Variants in SMAD3 observed in about 807,000 individuals in gnomAD.
SMAD3 encodes the protein SMAD family member 3.
Under a neutral mutation model 51.8 loss-of-function variants are expected in SMAD3, and 12 were observed. The ratio of observed to expected loss-of-function variants is 0.23; its 90% CI spans 0.15 to 0.38. The LOEUF is 0.38. SMAD3 is among the 10% of genes least tolerant of loss of function. The probability of loss-of-function intolerance (pLI) is 1.00; values close to 1 mark genes in which losing one functional copy is unlikely to be tolerated. For synonymous variants in SMAD3, 238 were observed against 227.7 expected, an observed-to-expected ratio of 1.05 and a Z score of -0.41; for missense variants, 294 against 565.6, an observed-to-expected ratio of 0.52 and a Z score of 4.87.
At chr15:67,179,372 G>A (rs1356709537) in intron 5 of SMAD3, among the ~76,000 whole-genome samples, 5 of 152,084 alleles carry the variant, frequency 3.3e-5, no homozygotes, top group African/African-American at 4.8e-5. Flanking sequence ...AGTGGGTAGG[G>A]GCCAGGATGC....
chr15:67,101,742 A>C (rs1960762641), intron 1 of SMAD3, among the ~76,000 whole-genome samples: 1 of 152,204 alleles, frequency 6.6e-6, no homozygotes. Context: ...AGTGACCTAA[A>C]GGTTGTTCAC....
chr15:67,074,386 G>T (rs1432692003), intron 1 of SMAD3, among the ~76,000 whole-genome samples: 4 of 152,202 alleles, frequency 2.6e-5, no homozygotes, highest in Non-Finnish European at 5.9e-5. Context: ...GATACCTGTG[G>T]AAAATGTTTG....
chr15:67,112,133 C>G (rs1685066396), intron 1 of SMAD3, among the ~76,000 whole-genome samples: 1 of 112,846 alleles, frequency 8.9e-6, no homozygotes, highest in Non-Finnish European at 1.8e-5. Flanking sequence ...AATCCTTTAG[C>G]CATTTCTTTT....
chr15:67,165,147 G>A (rs2289261), intron 2 of SMAD3, 59 bp downstream of exon 2: 1 of 1,611,328 alleles, frequency 6.2e-7, no homozygotes, highest in East Asian at 2.2e-5. Flanking sequence ...ACCTCTCCCC[G>A]GCTCCCCATC....
chr15:67,085,881 CACACACACACACACACACAT>C (rs1195964676), intron 1 of SMAD3, among the ~76,000 whole-genome samples: 47 of 83,454 alleles, frequency 5.6e-4, no homozygotes, highest in Admixed American at 4.4e-3. Flanking sequence ...CACACACACA[CACACACACACACACACACAT>C]ACACAGAGAA....
At chr15:67,085,730 T>C (rs1436816913) in intron 1 of SMAD3, among the ~76,000 whole-genome samples, 2 of 152,182 alleles carry the variant, frequency 1.3e-5, no homozygotes, top group Non-Finnish European at 2.9e-5. Flanking sequence ...AATCCATGTT[T>C]TTTAACTTTC....
chr15:67,082,625 AAAC>A (rs769815715), intron 1 of SMAD3, among the ~76,000 whole-genome samples: 5 of 152,244 alleles, frequency 3.3e-5, no homozygotes, highest in Non-Finnish European at 7.3e-5. Context: ...TAGTGGTTAA[AAAC>A]AAAGTCCTGT....
chr15:67,073,163 C>T (rs1960093356), intron 1 of SMAD3, among the ~76,000 whole-genome samples: 1 of 152,156 alleles, frequency 6.6e-6, no homozygotes, highest in Non-Finnish European at 1.5e-5. Flanking sequence ...AGTTTATTGA[C>T]TTGACAAGGA....
intron 1 of SMAD3, among the ~76,000 whole-genome samples, chr15:67,113,386 G>A (rs1031280937): frequency 2.0e-5 from 3 of 151,838 alleles, no homozygotes; most frequent in Admixed American, 6.6e-5. Flanking sequence ...CACTGCGCCC[G>A]GCCTTAAAAT....
chr15:67,138,304 G>T, intron 1 of SMAD3: 1 of 531,626 alleles, frequency 1.9e-6, no homozygotes, highest in Non-Finnish European at 3.4e-6. Context: ...AGGGCCCTCT[G>T]CCTGGTTCTG....
At chr15:67,173,336 G>A (rs148908148) in intron 5 of SMAD3, among the ~76,000 whole-genome samples, 1 of 152,256 alleles carries the variant, frequency 6.6e-6, no homozygotes, top group East Asian at 1.9e-4. Flanking sequence ...GTCCAGAAGA[G>A]GGAGGAATAG....
intron 1 of SMAD3, 44 bp from the exon 2 acceptor site, chr15:67,164,851 C>A (rs1176549850): frequency 6.3e-7 from 1 of 1,596,942 alleles, no homozygotes; most frequent in Non-Finnish European, 8.6e-7. Flanking sequence ...AAAGCAAGCA[C>A]AATCCACATT....
chr15:67,084,023 G>A (rs1380671841), intron 1 of SMAD3, among the ~76,000 whole-genome samples: 1 of 149,618 alleles, frequency 6.7e-6, no homozygotes, highest in Non-Finnish European at 1.5e-5. Context: ...CTTGAAGGGA[G>A]AATCTGAAAG....
chr15:67,080,508 A>C (rs1366663320), intron 1 of SMAD3, among the ~76,000 whole-genome samples: 1 of 152,164 alleles, frequency 6.6e-6, no homozygotes. Context: ...GGGAGATGCC[A>C]CTAGGCCCAG....
chr15:67,157,460 G>C (rs1962314023), intron 1 of SMAD3, among the ~76,000 whole-genome samples: 1 of 152,186 alleles, frequency 6.6e-6, no homozygotes, highest in South Asian at 2.1e-4. Flanking sequence ...ATATGACCTT[G>C]GGCAAGCCTC....
At chr15:67,145,415 A>C (rs1047942899) in intron 1 of SMAD3, among the ~76,000 whole-genome samples, 1 of 152,224 alleles carries the variant, frequency 6.6e-6, no homozygotes, top group Non-Finnish European at 1.5e-5. Context: ...TCTGTGCTCA[A>C]GGATGCTGTG....
At chr15:67,109,725 G>T (rs955601791) in intron 1 of SMAD3, among the ~76,000 whole-genome samples, 3 of 152,248 alleles carry the variant, frequency 2.0e-5, no homozygotes, top group African/African-American at 7.2e-5. Context: ...AAACCCCAGA[G>T]CTGAACTTCA....
intron 1 of SMAD3, among the ~76,000 whole-genome samples, chr15:67,157,167 G>A (rs947604538): frequency 6.6e-6 from 1 of 152,208 alleles, no homozygotes; most frequent in Non-Finnish European, 1.5e-5. Context: ...TAGAAAGTTC[G>A]GTATTAAGAG....
At chr15:67,185,022 C>G (rs1213971208) in intron 7 of SMAD3, among the ~76,000 whole-genome samples, 158 bp downstream of exon 7, 4 of 152,222 alleles carry the variant, frequency 2.6e-5, no homozygotes, top group Non-Finnish European at 4.4e-5. Flanking sequence ...GCCCACAGAT[C>G]TAACTGTGCT....
Sources: gnomAD v4.1 joint callset for allele counts (sites outside exome capture counted in the v4.1 genomes callset) on GRCh38, gnomAD v4.1.1 for gene constraint, MANE v1.5 for transcripts, NCBI Gene and HGNC (gene_info 2026-07-23, HGNC 2026-07-21) for gene names.